ZMAT4: variants seen among roughly 807,000 people sequenced by gnomAD.
ZMAT4 encodes zinc finger matrin-type protein 4.
In ZMAT4, 17 loss-of-function variants were observed where a neutral mutation model predicts 28.7. The observed-to-expected ratio is 0.59, with a 90% CI of 0.41 to 0.89. ZMAT4 has a LOEUF of 0.89. Ranked by LOEUF, ZMAT4 falls within the 40% of genes least tolerant of loss-of-function variation. ZMAT4 has a pLI of 0.00. For synonymous variants in ZMAT4, 117 were observed against 109.2 expected (o/e 1.07, Z -0.44); for missense variants, 240 against 283.8 (o/e 0.85, Z 1.11).
At chr8:40,765,513 G>A (rs762496130) in intron 3 of ZMAT4, among the ~76,000 whole-genome samples, 2 of 152,124 alleles carry the variant, frequency 1.3e-5, no homozygotes, top group Non-Finnish European at 2.9e-5. Flanking sequence ...AAAATGATTT[G>A]ATAAATAAAT....
Position 40,531,160 on chromosome 8 carries a change from A to G in ZMAT4, c.*1063T>C, listed in dbSNP as rs1257371355. The G allele has an allele frequency of 1.3e-5, 2 of 152,256 alleles. No homozygotes were observed. Among genetic ancestry groups the G allele is most frequent in the African/African-American group, 4.8e-5 (2 of 41,420 alleles). The allele number at this position is 152,256 out of a possible 1,614,324, so 9.4% of individuals were successfully genotyped here. On this transcript the variant is annotated 3_prime_UTR_variant, in exon 7 of 7. Coordinates refer to ENST00000297737, the MANE Select transcript of ZMAT4 (RefSeq NM_024645.3). The stretch of plus-strand genomic sequence containing the variant: ...ATGGAAAAGAATTAAACCTAGAGAA[A>G]GAGCCTCATGATCTGCACTCAGACG...
At chr8:40,627,233 G>A (rs1197357294) in intron 5 of ZMAT4, among the ~76,000 whole-genome samples, 2 of 152,192 alleles carry the variant, frequency 1.3e-5, no homozygotes, top group African/African-American at 4.8e-5. Flanking sequence ...CTATTAGAGA[G>A]GCTGAGATTT....
intron 3 of ZMAT4, among the ~76,000 whole-genome samples, chr8:40,727,842 T>C (rs1051645149): frequency 6.6e-6 from 1 of 152,178 alleles, no homozygotes; most frequent in African/African-American, 2.4e-5. Flanking sequence ...AGGTCTGAGA[T>C]ACAAAAACCA....
At chr8:40,700,609 G>C (rs1457822203) in intron 3 of ZMAT4, among the ~76,000 whole-genome samples, 4 of 151,882 alleles carry the variant, frequency 2.6e-5, no homozygotes, top group African/African-American at 9.7e-5. Context: ...TTTGTAGAGA[G>C]AGAATGTCTA....
At chr8:40,825,443 A>G in intron 2 of ZMAT4, 132 bp downstream of exon 2, 1 of 702,956 alleles carries the variant, frequency 1.4e-6, no homozygotes, top group Middle Eastern at 4.1e-4. Flanking sequence ...TTGACCTCAG[A>G]CTGTACAGGC....
intron 2 of ZMAT4, among the ~76,000 whole-genome samples, chr8:40,795,495 A>G (rs1318679992): frequency 2.0e-5 from 3 of 152,202 alleles, no homozygotes; most frequent in Non-Finnish European, 4.4e-5. Context: ...TTCAATTCAG[A>G]GCCTAGGCTG....
chr8:40,647,169 T>C (rs2118793312), intron 5 of ZMAT4, among the ~76,000 whole-genome samples: 1 of 152,252 alleles, frequency 6.6e-6, no homozygotes, highest in East Asian at 1.9e-4. Flanking sequence ...GGTACCAGGT[T>C]CATCTCACTA....
intron 3 of ZMAT4, among the ~76,000 whole-genome samples, chr8:40,741,347 T>G (rs1811994222): frequency 1.3e-5 from 2 of 150,960 alleles, no homozygotes; most frequent in Admixed American, 1.3e-4. Flanking sequence ...CTGGGGAGGC[T>G]GAGGTAGGAG....
intron 5 of ZMAT4, among the ~76,000 whole-genome samples, chr8:40,599,165 A>G (rs933957151): frequency 3.3e-5 from 5 of 152,126 alleles, no homozygotes; most frequent in African/African-American, 9.7e-5. Flanking sequence ...TTTCCTCATT[A>G]CACTTTAGTC....
At chr8:40,743,454 C>G (rs1812095412) in intron 3 of ZMAT4, among the ~76,000 whole-genome samples, 1 of 152,216 alleles carries the variant, frequency 6.6e-6, no homozygotes, top group Non-Finnish European at 1.5e-5. Flanking sequence ...AGGATGTCAG[C>G]TTCGCAAGGG....
At chr8:40,887,665 C>A (rs1262132935) in intron 1 of ZMAT4, among the ~76,000 whole-genome samples, 1 of 152,092 alleles carries the variant, frequency 6.6e-6, no homozygotes, top group Non-Finnish European at 1.5e-5. Context: ...CCTGCAACCC[C>A]GCAGAGCAAT....
At chr8:40,690,209 C>T (rs1304893153) in intron 4 of ZMAT4, among the ~76,000 whole-genome samples, 1 of 152,166 alleles carries the variant, frequency 6.6e-6, no homozygotes, top group African/African-American at 2.4e-5. Flanking sequence ...TGGTTTCTCC[C>T]ACCAGTGACA....
chr8:40,783,204 A>T (rs1273481943), intron 2 of ZMAT4, among the ~76,000 whole-genome samples: 1 of 152,266 alleles, frequency 6.6e-6, no homozygotes, highest in Non-Finnish European at 1.5e-5. Context: ...ATATCCTATG[A>T]TAAATATCAT....
At chr8:40,661,901 G>A (rs1250742195) in intron 5 of ZMAT4, among the ~76,000 whole-genome samples, 1 of 152,196 alleles carries the variant, frequency 6.6e-6, no homozygotes, top group East Asian at 1.9e-4. Flanking sequence ...AAATGAATTG[G>A]TTAGCAGTTT....
intron 5 of ZMAT4, among the ~76,000 whole-genome samples, chr8:40,620,742 A>G (rs1806167575): frequency 6.6e-6 from 1 of 152,212 alleles, no homozygotes; most frequent in Non-Finnish European, 1.5e-5. Context: ...TGGCCCTGGT[A>G]GGTTGTAATT....
At chr8:40,786,012 A>G (rs967683689) in intron 2 of ZMAT4, among the ~76,000 whole-genome samples, 5 of 152,134 alleles carry the variant, frequency 3.3e-5, no homozygotes, top group African/African-American at 1.2e-4. Context: ...TTGACAGCCC[A>G]CTGCAGTTGT....
chr8:40,761,439 C>T (rs1017536621), intron 3 of ZMAT4, among the ~76,000 whole-genome samples: 2 of 152,090 alleles, frequency 1.3e-5, no homozygotes, highest in African/African-American at 2.4e-5. Flanking sequence ...CAAGAACAGG[C>T]GCCCCGTCAT....
At chr8:40,762,988 G>T (rs553268802) in intron 3 of ZMAT4, among the ~76,000 whole-genome samples, 1 of 152,264 alleles carries the variant, frequency 6.6e-6, no homozygotes, top group Admixed American at 6.5e-5. Context: ...ACTCAAAAGG[G>T]CCTTTTCCCA....
At chr8:40,756,829 G>A (rs530886891) in intron 3 of ZMAT4, among the ~76,000 whole-genome samples, 4 of 151,936 alleles carry the variant, frequency 2.6e-5, no homozygotes, top group Non-Finnish European at 4.4e-5. Flanking sequence ...TTTTACGTAC[G>A]TTTCTGTTAA....
Sources: gnomAD v4.1 joint callset for allele counts (sites outside exome capture counted in the v4.1 genomes callset) on GRCh38, gnomAD v4.1.1 for gene constraint, MANE v1.5 for transcripts, NCBI Gene and HGNC (gene_info 2026-07-23, HGNC 2026-07-21) for gene names.